Variants in ASTN2 observed in about 807,000 individuals in gnomAD.
ASTN2 encodes astrotactin-2.
Under a neutral mutation model 139.8 loss-of-function variants are expected in ASTN2, and 54 were observed. That is an observed-to-expected ratio of 0.39 (90% CI 0.31 to 0.48). The LOEUF (loss-of-function observed/expected upper bound fraction) is 0.48. ASTN2 is among the 20% of genes least tolerant of loss of function. The pLI is 0.95. For synonymous variants in ASTN2, 756 were observed against 719.5 expected, an observed-to-expected ratio of 1.05 and a Z score of -0.81; for missense variants, 1,565 against 1,725.1, an observed-to-expected ratio of 0.91 and a Z score of 1.64.
chr9:116,480,535 A>G (rs138006465), intron 20 of ASTN2, among the ~76,000 whole-genome samples: 62 of 152,340 alleles, frequency 4.1e-4, no homozygotes, highest in Non-Finnish European at 7.3e-4. Flanking sequence ...CCTTGGTCCA[A>G]TGTCCTTCTA....
At chr9:116,825,913 G>A (rs1317354174) in intron 11 of ASTN2, among the ~76,000 whole-genome samples, 1 of 152,214 alleles carries the variant, frequency 6.6e-6, no homozygotes, top group African/African-American at 2.4e-5. Context: ...AGATATGGCT[G>A]CTGCTGCCCT....
At chr9:116,601,079 C>T (rs1854872601) in intron 19 of ASTN2, among the ~76,000 whole-genome samples, 1 of 152,158 alleles carries the variant, frequency 6.6e-6, no homozygotes, top group African/African-American at 2.4e-5. Flanking sequence ...ATAAGTGCTA[C>T]CAAGCTAGGA....
At chr9:116,514,933 T>C (rs531980128) in intron 19 of ASTN2, among the ~76,000 whole-genome samples, 48 of 152,264 alleles carry the variant, frequency 3.2e-4, no homozygotes, top group Non-Finnish European at 4.3e-4. Flanking sequence ...TCCCTGACCC[T>C]TTGTGCTTCC....
chr9:117,363,505 G>A (rs750427893), intron 1 of ASTN2, among the ~76,000 whole-genome samples: 1 of 152,162 alleles, frequency 6.6e-6, no homozygotes, highest in African/African-American at 2.4e-5. Context: ...CTAACCTCCC[G>A]CCTCCCTTTA....
chr9:116,699,506 T>C lies in ASTN2; in HGVS notation c.2806+26265A>G. ...GCATGTGTGTGGATGCTCGTGGTGATCTCATCGTGGCTGACAGTAGTCGCA... is the reference window on the plus strand; with the variant it reads ...GCATGTGTGTGGATGCTCGTGGTGACCTCATCGTGGCTGACAGTAGTCGCA... On this transcript the variant is annotated intron_variant, in intron 16 of 22. Coordinates refer to ENST00000313400, the MANE Select transcript of ASTN2 (RefSeq NM_001365068.1). The surrounding 1 kb of genome is among the most constrained non-coding windows in gnomAD (Gnocchi z 4.2). 1 of 1,613,816 alleles carries C rather than the reference T, an allele frequency of 6.2e-7. No homozygotes were observed. Among genetic ancestry groups the C allele is most frequent in the Non-Finnish European group, 8.5e-7 (1 of 1,179,920 alleles).
At chr9:117,088,407 G>A (rs931034175) in intron 5 of ASTN2, among the ~76,000 whole-genome samples, 1 of 152,102 alleles carries the variant, frequency 6.6e-6, no homozygotes, top group African/African-American at 2.4e-5. Context: ...TGGGACTCAT[G>A]GCTTATATTT....
intron 5 of ASTN2, 122 bp from the exon 6 acceptor site, chr9:117,040,087 A>G: frequency 8.3e-7 from 1 of 1,209,856 alleles, no homozygotes; most frequent in South Asian, 1.7e-5. Context: ...AGAAAAGAAA[A>G]AAGACATGTT....
intron 16 of ASTN2, among the ~76,000 whole-genome samples, chr9:116,655,411 G>C (rs1361212029): frequency 1.3e-5 from 2 of 152,174 alleles, no homozygotes; most frequent in Non-Finnish European, 2.9e-5. Context: ...ACCATTAAGA[G>C]AGCATGTAGA....
intron 19 of ASTN2, among the ~76,000 whole-genome samples, chr9:116,595,813 A>G (rs566633256): frequency 5.3e-5 from 8 of 152,188 alleles, no homozygotes; most frequent in African/African-American, 1.9e-4. Context: ...GAGCAAGAGA[A>G]CTCTTATCAC....
At chr9:116,878,101 C>T (rs1321743499) in intron 10 of ASTN2, among the ~76,000 whole-genome samples, 1 of 152,188 alleles carries the variant, frequency 6.6e-6, no homozygotes, top group Non-Finnish European at 1.5e-5. Context: ...CACTTTTACA[C>T]TGTTGGAGGG....
At chr9:116,809,509 A>C (rs1831111251) in intron 12 of ASTN2, among the ~76,000 whole-genome samples, 1 of 152,090 alleles carries the variant, frequency 6.6e-6, no homozygotes, top group African/African-American at 2.4e-5. Flanking sequence ...GTAATAAAGT[A>C]ATACTCCTCC....
intron 16 of ASTN2, among the ~76,000 whole-genome samples, chr9:116,658,869 T>C (rs531185315): frequency 2.6e-5 from 4 of 152,076 alleles, no homozygotes; most frequent in South Asian, 2.1e-4. Flanking sequence ...GAGATTTTAT[T>C]TGTCAAAAGA....
chr9:116,733,647 C>A, intron 13 of ASTN2, 124 bp from the exon 14 acceptor site: 2 of 1,235,356 alleles, frequency 1.6e-6, no homozygotes, highest in Non-Finnish European at 1.1e-6. Flanking sequence ...TGCTGTAATG[C>A]CTCTGGTTTC....
At chr9:117,325,108 C>A (rs1828471783) in intron 1 of ASTN2, among the ~76,000 whole-genome samples, 1 of 152,074 alleles carries the variant, frequency 6.6e-6, no homozygotes, top group African/African-American at 2.4e-5. Context: ...GTGGAATCAT[C>A]CATGTAACAT....
chr9:116,546,870 T>C (rs1481187668), intron 19 of ASTN2, among the ~76,000 whole-genome samples: 2 of 152,158 alleles, frequency 1.3e-5, no homozygotes, highest in African/African-American at 4.8e-5. Flanking sequence ...AATCAATACA[T>C]TGAGGGAGCA....
intron 3 of ASTN2, among the ~76,000 whole-genome samples, chr9:117,170,176 T>C (rs1036339147): frequency 3.3e-5 from 5 of 152,126 alleles, no homozygotes; most frequent in Admixed American, 1.3e-4. Flanking sequence ...GTTTGGCACA[T>C]AGTAGGCACT....
intron 2 of ASTN2, among the ~76,000 whole-genome samples, chr9:117,225,415 C>T (rs1400421854): frequency 6.6e-6 from 1 of 150,992 alleles, no homozygotes; most frequent in Non-Finnish European, 1.5e-5. Context: ...CTCTTTGAGT[C>T]ATGAAAATAT....
At chr9:117,260,661 G>C (rs929639510) in intron 2 of ASTN2, among the ~76,000 whole-genome samples, 1 of 152,188 alleles carries the variant, frequency 6.6e-6, no homozygotes, top group African/African-American at 2.4e-5. Flanking sequence ...GGTCCAGATA[G>C]TTATACTGTG....
intron 6 of ASTN2, among the ~76,000 whole-genome samples, chr9:117,026,484 C>T (rs895287180): frequency 2.6e-5 from 4 of 152,122 alleles, no homozygotes; most frequent in African/African-American, 9.7e-5. Context: ...TTTCAGGGAT[C>T]CCAGGTGGCA....
Sources: allele counts gnomAD v4.1 joint callset (sites outside exome capture counted in the v4.1 genomes callset), GRCh38; gene constraint gnomAD v4.1.1; non-coding constraint Gnocchi (gnomAD v3.1); transcripts MANE v1.5; gene names NCBI Gene and HGNC (gene_info 2026-07-23, HGNC 2026-07-21).